Variants in ZNF84 observed in about 807,000 individuals in gnomAD.
ZNF84 encodes the protein zinc finger protein 84, also known as zinc finger protein HPF2.
In ZNF84, 12 loss-of-function variants were observed where a neutral mutation model predicts 14.8. The ratio of observed to expected loss-of-function variants is 0.81; its 90% CI spans 0.52 to 1.31. The LOEUF is 1.31. ZNF84 is among the 50% of genes most tolerant of loss of function. The pLI is 0.00. For synonymous variants in ZNF84, 347 were observed against 291.1 expected (o/e 1.19, Z -1.96); for missense variants, 859 against 878.6 (o/e 0.98, Z 0.28).
chr12:133,055,327 T>C (rs1954135529), intron 4 of ZNF84, among the ~76,000 whole-genome samples: 1 of 152,044 alleles, frequency 6.6e-6, no homozygotes, highest in Non-Finnish European at 1.5e-5. Flanking sequence ...AATATACTTA[T>C]ATCCACATAA....
chr12:133,046,347 GTTTTTTTT>G (rs58214468), intron 2 of ZNF84, among the ~76,000 whole-genome samples: 17,099 of 114,662 alleles, frequency 0.15, 1,613 homozygotes, highest in South Asian at 0.19. Context: ...AGTCCTCACA[GTTTTTTTT>G]TTTTTTTTTT....
At chr12:133,043,791 T>C (rs1173096924) in intron 2 of ZNF84, among the ~76,000 whole-genome samples, 2 of 152,182 alleles carry the variant, frequency 1.3e-5, no homozygotes, top group Non-Finnish European at 2.9e-5. Context: ...TCTCACTCTG[T>C]TGCCCAGGCT....
chr12:133,062,864 T>G lies in ZNF84; in HGVS notation c.*3932T>G. The G allele has an allele frequency of 1.9e-6, 1 of 523,320 alleles. No homozygotes were observed. The highest frequency in any genetic ancestry group is 3.0e-5 in the South Asian group (1 of 33,520). 32.4% of individuals were successfully genotyped at this position (523,320 alleles called of 1,614,324 possible). A position where few individuals can be genotyped will look rare whatever the true frequency, so the allele number is the denominator to read the frequency against. The stretch of plus-strand genomic sequence containing the variant: ...AACTTGTAGTTCCTTGAGATTTCTA[T>G]TATCACTTATGTTTTTGCAAATCTG... On this transcript the variant is annotated 3_prime_UTR_variant, in exon 5 of 5. Coordinates refer to ENST00000539354, the MANE Select transcript of ZNF84 (RefSeq NM_001289971.2).
At position 133,057,369 on chromosome 12, in the gene ZNF84, G is replaced by C; in HGVS notation, c.654G>C (p.Lys218Asn). 6.2e-7 allele frequency: 1 copy of C among 1,613,966 alleles called. No homozygotes were observed. Among genetic ancestry groups the C allele is most frequent in the Non-Finnish European group, 8.5e-7 (1 of 1,180,018 alleles). The change falls in exon 5 of 5, where the codon AAG becomes AAC. Residue 218 changes from lysine (K) to asparagine (N), a missense_variant. By Grantham distance (94) the Lys-to-Asn change is moderately conservative. Transcript: ENST00000539354. ...ECSECRKRFS[K>N]KPSLIKHQSR... ...GTGAATGTAGGAAGCGCTTCAGTAA[G>C]AAACCAAGTCTCATTAAACATCAGA...
rs1954171137 is a variant in ZNF84 at position 133,057,016 on chromosome 12, A to T, written c.301A>T (p.Ile101Leu). ...HQDNQDKLKI[I>L]KRGHECDAFG... ...GGATAACCAAGACAAGCTTAAAATT[A>T]TAAAAAGAGGTCATGAATGTGATGC... Residue 101 changes from isoleucine (I) to leucine (L), a missense_variant, in exon 5 of 5, where the codon ATA (isoleucine) becomes TTA (leucine). Ile to Leu is a conservative substitution (Grantham distance 5). Transcript: ENST00000539354. 2 of 1,608,608 alleles carry T rather than the reference A, an allele frequency of 1.2e-6. No homozygotes were observed. Among genetic ancestry groups the T allele is most frequent in the Non-Finnish European group, 8.5e-7 (1 of 1,178,580 alleles).
At chr12:133,041,576 A>G (rs1032002816) in intron 2 of ZNF84, 94 bp downstream of exon 2, 24 of 1,328,226 alleles carry the variant, frequency 1.8e-5, no homozygotes, top group Non-Finnish European at 2.5e-5. Context: ...TAGTTAAGAA[A>G]TCAGAGGAAA....
At chr12:133,038,911 T>C (rs1953837062) in intron 1 of ZNF84, 1 of 152,168 alleles carries the variant, frequency 6.6e-6, no homozygotes, top group East Asian at 1.9e-4. Context: ...GTTCTTCACA[T>C]AATGGGAAAA....
intron 4 of ZNF84, among the ~76,000 whole-genome samples, chr12:133,055,494 A>AC (rs1456801217): frequency 4.6e-4 from 70 of 152,158 alleles, no homozygotes; most frequent in Non-Finnish European, 9.6e-4. Context: ...GTAATACCAT[A>AC]ATACCCAAAG....
Position 133,058,963 on chromosome 12 carries a change from C to G in ZNF84, c.*31C>G. ...CAGTTAATAGTAGTCTTTGACAGAT[C>G]ATCTTGGACTTCAGGAAATGCAATT... is the stretch of plus-strand genomic sequence containing the variant. On this transcript the variant is annotated 3_prime_UTR_variant, in exon 5 of 5. Coordinates refer to ENST00000539354, the MANE Select transcript of ZNF84 (RefSeq NM_001289971.2). 6.5e-7 allele frequency: 1 copy of G among 1,528,934 alleles called. No individual in the cohort carries two copies. The allele number at this position is 1,528,934 out of a possible 1,614,324, so 94.7% of individuals were successfully genotyped here. A position where few individuals can be genotyped will look rare whatever the true frequency, so the allele number is the denominator to read the frequency against.
chr12:133,038,127 C>T (rs1322187134), intron 1 of ZNF84, among the ~76,000 whole-genome samples: 2 of 151,852 alleles, frequency 1.3e-5, no homozygotes, highest in African/African-American at 4.8e-5. Context: ...TGTAGACATT[C>T]TTAGGGTTTC....
In ZNF84 at chr12:133,048,764, A is replaced by G; in HGVS notation, c.154A>G (p.Met52Val). ...SSLVSLGYEV[M>V]KPDVIFKLEQ... is the part of the protein sequence containing the mutation. ...TTTTCCCTTAACAGGGTATGAAGTT[A>G]TGAAACCAGATGTCATCTTCAAATT... Residue 52 changes from methionine to valine, a missense_variant, in exon 4 of 5, where the codon ATG becomes GTG. Met to Val is a conservative substitution (Grantham distance 21). Transcript: ENST00000539354. The G allele has an allele frequency of 1.2e-6, 2 of 1,613,654 alleles. No individual in the cohort carries two copies. The highest frequency in any genetic ancestry group is 1.7e-6 in the Non-Finnish European group (2 of 1,179,804).
At position 133,057,529 on chromosome 12, in the gene ZNF84, T is replaced by G. The variant is rs1358763896; in HGVS notation, c.814T>G (p.Phe272Val). 1.2e-6 allele frequency: 2 copies of G among 1,614,048 alleles called. No individual in the cohort carries two copies. The highest frequency in any genetic ancestry group is 1.1e-5 in the South Asian group (1 of 91,086). Reference protein sequence around the residue: ...PYNCSQCGKAFSQKSQLTSHQ... With the variant: ...PYNCSQCGKAVSQKSQLTSHQ... ...TAATTGTAGCCAGTGTGGGAAAGCC[T>G]TCTCCCAAAAGTCACAGCTCACATC... The change falls in exon 5 of 5, where the codon TTC becomes GTC. Residue 272 changes from phenylalanine (F) to valine (V), a missense_variant. Phe to Val is a conservative substitution (Grantham distance 50, BLOSUM62 -1). Transcript: ENST00000539354.
intron 4 of ZNF84, among the ~76,000 whole-genome samples, chr12:133,056,168 C>T (rs1308924095): frequency 6.6e-6 from 1 of 152,154 alleles, no homozygotes; most frequent in African/African-American, 2.4e-5. Flanking sequence ...TTAGTATTTA[C>T]TACAGTGTAT....
chr12:133,056,053 G>A (rs1469332420), intron 4 of ZNF84, among the ~76,000 whole-genome samples: 1 of 152,058 alleles, frequency 6.6e-6, no homozygotes. Flanking sequence ...AGATGCATAT[G>A]GCAAGTTTAA....
Position 133,056,998 on chromosome 12 carries a change from C to A in ZNF84, c.283C>A (p.Gln95Lys). The change falls in exon 5 of 5, where the codon CAA becomes AAA. Residue 95 changes from glutamine to lysine, a missense_variant. Gln to Lys is a moderately conservative substitution (Grantham distance 53). Coordinates refer to ENST00000539354, the MANE Select transcript of ZNF84 (RefSeq NM_001289971.2). ...TAACATGATGTGGCACCAGGATAAC[C>A]AAGACAAGCTTAAAATTATAAAAAG... is the stretch of plus-strand genomic sequence containing the variant. ...DGNMMWHQDN[Q>K]DKLKIIKRGH... The A allele has an allele frequency of 6.2e-7, 1 of 1,601,804 alleles. No individual in the cohort carries two copies.
rs1037519915 is a variant in ZNF84 at position 133,043,870 on chromosome 12, C to T, written c.15+2388C>T. On this transcript the variant is annotated intron_variant, in intron 2 of 4. Coordinates refer to ENST00000539354, the MANE Select transcript of ZNF84 (RefSeq NM_001289971.2). ...CCGGGTTCGAGCAGTTCTCCTGCCT[C>T]AGCCTCCTAAGTACCTGGGATTACA... 1.5e-3 allele frequency among the ~76,000 whole-genome samples: 230 copies of T among 151,866 alleles called. 1 individual carries two copies. Among genetic ancestry groups the T allele is most frequent in the Admixed American group, 3.9e-3 (59 of 15,246 alleles).
chr12:133,039,675 C>T (rs1953851888), intron 1 of ZNF84, among the ~76,000 whole-genome samples: 3 of 152,154 alleles, frequency 2.0e-5, no homozygotes, highest in Non-Finnish European at 1.5e-5. Flanking sequence ...AGTCGCTTTC[C>T]TTTTAACACC....
intron 4 of ZNF84, 54 bp downstream of exon 4, chr12:133,048,902 GGTCAGTGACGGGTGGGCTA>G: frequency 6.9e-7 from 1 of 1,453,848 alleles, no homozygotes; most frequent in Non-Finnish European, 9.5e-7. Context: ...CATGTCATCT[GGTCAGTGACGGGTGGGCTA>G]GTCAGTGATG....
chr12:133,057,192 T>G lies in ZNF84; in HGVS notation c.477T>G (p.Asn159Lys). 1 of 1,612,822 alleles carries G rather than the reference T, an allele frequency of 6.2e-7. No individual in the cohort carries two copies. The highest frequency in any genetic ancestry group is 1.3e-5 in the African/African-American group (1 of 74,930). ...DYGKAESDDF[N>K]VFDNFFLHSK... ...GAAAAGCAGAATCAGATGACTTTAA[T>G]GTGTTTGATAATTTTTTTCTCCATT... Residue 159 changes from asparagine (N) to lysine (K), a missense_variant, in exon 5 of 5, where the codon AAT becomes AAG. Coordinates refer to ENST00000539354, the MANE Select transcript of ZNF84 (RefSeq NM_001289971.2).
Sources: gnomAD v4.1 joint callset for allele counts (sites outside exome capture counted in the v4.1 genomes callset) on GRCh38, gnomAD v4.1.1 for gene constraint, MANE v1.5 for transcripts, NCBI Gene and HGNC (gene_info 2026-07-23, HGNC 2026-07-21) for gene names.